Variants in STC2 observed in about 807,000 individuals in gnomAD.
The protein encoded by STC2 is stanniocalcin 2, also known as stanniocalcin-2.
A neutral mutation model predicts 22.7 loss-of-function variants in STC2; 7 were observed. The ratio of observed to expected loss-of-function variants is 0.31; its 90% CI spans 0.18 to 0.58. The LOEUF is 0.58. Among genes scored for constraint, STC2 ranks in the 20% least tolerant of loss-of-function variants. The pLI is 0.89. For synonymous variants in STC2, 158 were observed against 163.4 expected (o/e 0.97, Z 0.25); for missense variants, 336 against 406.2 (o/e 0.83, Z 1.48).
chr5:173,324,637 T>G lies in STC2; in HGVS notation c.295-1207A>C, dbSNP rs574138442. 7.9e-5 allele frequency among the ~76,000 whole-genome samples: 12 copies of G among 152,298 alleles called. No homozygotes were observed. In the South Asian group the frequency reaches 2.5e-3, roughly 32 times the overall value. ...TGTGCCCGTTTATTAAGCAGTTATG[T>G]GCTGAGCATCAACTTGAAAGGGATG... On this transcript the variant is annotated intron_variant, in intron 2 of 3. Transcript: ENST00000265087.
intron 1 of STC2, among the ~76,000 whole-genome samples, chr5:173,327,283 C>A (rs1447995036): frequency 6.6e-6 from 1 of 152,272 alleles, no homozygotes; most frequent in Non-Finnish European, 1.5e-5. Context: ...AGCGAAGGAG[C>A]TGTAGGCAGA....
At position 173,325,888 on chromosome 5, in the gene STC2, C is replaced by G; in HGVS notation, c.274G>C (p.Ala92Pro). ...TTTACCTGGGCATCAAATTTTCCAG[C>G]GTTGTGCAGAAAAGTCATGCAAATC... ...HGICMTFLHN[A>P]GKFDAQGKSF... is the part of the protein sequence containing the mutation. The change falls in exon 2 of 4, where the codon GCT becomes CCT. Residue 92 changes from alanine to proline, a missense_variant. Physicochemically the swap from Ala to Pro is conservative, Grantham distance 27 (BLOSUM62 -1). Coordinates refer to ENST00000265087, the MANE Select transcript of STC2 (RefSeq NM_003714.3). This position sits in a 1 kb window ranked among gnomAD's most constrained non-coding sequence, Gnocchi z 4.7. The G allele has an allele frequency of 6.2e-7, 1 of 1,614,168 alleles. No individual in the cohort carries two copies. The highest frequency in any genetic ancestry group is 1.7e-5 in the Admixed American group (1 of 60,022).
Position 173,317,655 on chromosome 5 carries a change from CCT to C in STC2, c.*190_*191del, listed in dbSNP as rs1762437364. On this transcript the variant is annotated 3_prime_UTR_variant, in exon 4 of 4. Coordinates refer to ENST00000265087, the MANE Select transcript of STC2 (RefSeq NM_003714.3). ...GTAAGTGCAGAATTCACCAGGCACC[CCT>C]GAGACCCCACGGCCCCAGGGGTCTC... 1.6e-6 allele frequency: 1 copy of C among 621,628 alleles called. No individual in the cohort carries two copies. The highest frequency in any genetic ancestry group is 2.5e-6 in the Non-Finnish European group (1 of 396,894). The allele number at this position is 621,628 out of a possible 1,614,324, so 38.5% of individuals were successfully genotyped here.
intron 3 of STC2, among the ~76,000 whole-genome samples, chr5:173,320,122 G>C (rs984225067): frequency 3.3e-5 from 5 of 152,268 alleles, no homozygotes. Context: ...GGCTAGGTGA[G>C]CACACTGCAG....
At position 173,315,699 on chromosome 5, in the gene STC2, A is replaced by T. The variant is rs560165060; in HGVS notation, c.*2148T>A. On this transcript the variant is annotated 3_prime_UTR_variant, in exon 4 of 4. Transcript: ENST00000265087. ...TTTGAGTGATGTCAGTAAAACAGTC[A>T]ACGTGCCTGCCGCGGTGGCTCACTG... 1 of 152,314 alleles carries T rather than the reference A, an allele frequency of 6.6e-6. No individual in the cohort carries two copies. Among genetic ancestry groups the T allele is most frequent in the African/African-American group, 2.4e-5 (1 of 41,536 alleles). The allele number at this position is 152,314 out of a possible 1,614,324, so 9.4% of individuals were successfully genotyped here. A position where few individuals can be genotyped will look rare whatever the true frequency, so the allele number is the denominator to read the frequency against.
Position 173,328,306 on chromosome 5 carries a change from G to T in STC2, c.-113C>A. The T allele has an allele frequency of 8.1e-7, 1 of 1,227,328 alleles. No homozygotes were observed. The highest frequency in any genetic ancestry group is 1.1e-6 in the Non-Finnish European group (1 of 936,516). The allele number at this position is 1,227,328 out of a possible 1,614,324, so 76.0% of individuals were successfully genotyped here. A position where few individuals can be genotyped will look rare whatever the true frequency, so the allele number is the denominator to read the frequency against. On this transcript the variant is annotated 5_prime_UTR_variant, in exon 1 of 4. Transcript: ENST00000265087. Reference sequence around the variant, plus strand: ...CCTCCTCCTCCCACTCTTCCTTTTTGCTCGCCTTTTCCCTCCTCCTCGCGG... The same window carrying T: ...CCTCCTCCTCCCACTCTTCCTTTTTTCTCGCCTTTTCCCTCCTCCTCGCGG...
chr5:173,323,718 G>T lies in STC2; in HGVS notation c.295-288C>A, dbSNP rs1398503723. On this transcript the variant is annotated intron_variant, in intron 2 of 3. Transcript: ENST00000265087. The surrounding 1 kb of genome is among the most constrained non-coding windows in gnomAD (Gnocchi z 5.4). ...GCTACTCTGTGAGTTTCCCTCCAAC[G>T]GGGGCTTCCGTGGCTATGTGTCCCT... Among the ~76,000 whole-genome samples, 1 of 152,016 alleles carries T rather than the reference G, an allele frequency of 6.6e-6. No homozygotes were observed. The highest frequency in any genetic ancestry group is 2.4e-5 in the African/African-American group (1 of 41,366).
chr5:173,317,833 C>T lies in STC2; in HGVS notation c.*14G>A. 1 of 1,537,342 alleles carries T rather than the reference C, an allele frequency of 6.5e-7. No homozygotes were observed. Among genetic ancestry groups the T allele is most frequent in the Admixed American group, 2.0e-5 (1 of 49,830 alleles). ...ACGGCGTGGAGGAAAGATTTCGTGG[C>T]CAGGCCTTTCATTTCACCTCCGGAT... On this transcript the variant is annotated 3_prime_UTR_variant, in exon 4 of 4. Transcript: ENST00000265087.
rs766892241 is a variant in STC2, at chr5:173,317,809, C to T, written c.*38G>A. The T allele has an allele frequency of 1.1e-5, 17 of 1,517,450 alleles. No individual in the cohort carries two copies. The highest frequency in any genetic ancestry group is 1.8e-4 in the Middle Eastern group (1 of 5,510). 94.0% of individuals were successfully genotyped at this position (1,517,450 alleles called of 1,614,324 possible). On this transcript the variant is annotated 3_prime_UTR_variant, in exon 4 of 4. Transcript: ENST00000265087. The stretch of plus-strand genomic sequence containing the variant: ...GAATGTCCATAGATAAGAAAATGGA[C>T]GGCGTGGAGGAAAGATTTCGTGGCC...
In STC2 at chr5:173,323,162, A is replaced by G; in HGVS notation, c.506+57T>C. On this transcript the variant is annotated intron_variant, in intron 3 of 3. Coordinates refer to ENST00000265087, the MANE Select transcript of STC2 (RefSeq NM_003714.3). The surrounding 1 kb of genome is among the most constrained non-coding windows in gnomAD (Gnocchi z 5.4). Reference sequence around the variant, plus strand: ...GCAACGCGGCTCTCCTCCCATACACATTGCCATCCTTGCTGGGTGGCCCCT... The same window carrying G: ...GCAACGCGGCTCTCCTCCCATACACGTTGCCATCCTTGCTGGGTGGCCCCT... The G allele has an allele frequency of 6.4e-7, 1 of 1,565,246 alleles. No homozygotes were observed. Among genetic ancestry groups the G allele is most frequent in the Non-Finnish European group, 8.8e-7 (1 of 1,137,092 alleles).
intron 1 of STC2, among the ~76,000 whole-genome samples, chr5:173,327,752 G>C (rs1762568381): frequency 6.6e-6 from 1 of 152,230 alleles, no homozygotes; most frequent in African/African-American, 2.4e-5. Flanking sequence ...GCGGGGGCTG[G>C]CGCTGGCAGC....
intron 3 of STC2, among the ~76,000 whole-genome samples, chr5:173,321,216 C>CTT (rs1762482303): frequency 6.7e-6 from 1 of 150,288 alleles, no homozygotes; most frequent in African/African-American, 2.5e-5. Flanking sequence ...GCTTTACCTT[C>CTT]TTCTTAAATT....
intron 3 of STC2, among the ~76,000 whole-genome samples, chr5:173,322,578 C>G (rs990908292): frequency 6.6e-6 from 1 of 152,168 alleles, no homozygotes; most frequent in African/African-American, 2.4e-5. Flanking sequence ...ACCGAACCTT[C>G]TAAGGGAAAG....
In STC2 at chr5:173,316,720, T is replaced by A. The variant is rs1740902353; in HGVS notation, c.*1127A>T. 1 of 152,178 alleles carries A rather than the reference T, an allele frequency of 6.6e-6. No homozygotes were observed. The highest frequency in any genetic ancestry group is 6.5e-5 in the Admixed American group (1 of 15,276). 9.4% of individuals were successfully genotyped at this position (152,178 alleles called of 1,614,324 possible). A position where few individuals can be genotyped will look rare whatever the true frequency, so the allele number is the denominator to read the frequency against. ...ATGGGAATTACTAAGTAGTCTTCAT[T>A]CTCTTCTTTCCTTTCCCATCCCCTC... On this transcript the variant is annotated 3_prime_UTR_variant, in exon 4 of 4. Coordinates refer to ENST00000265087, the MANE Select transcript of STC2 (RefSeq NM_003714.3).
rs1762428801 is a variant in STC2 at position 173,316,991 on chromosome 5, A to G, written c.*856T>C. ...TTTAAAATAGAACTTAAAAAAAAGA[A>G]AAATCAGCCTCAAAGGATGGGCTGG... is the stretch of plus-strand genomic sequence containing the variant. On this transcript the variant is annotated 3_prime_UTR_variant, in exon 4 of 4. Transcript: ENST00000265087. 6.6e-6 allele frequency: 1 copy of G among 152,172 alleles called. No individual in the cohort carries two copies. Among genetic ancestry groups the G allele is most frequent in the Non-Finnish European group, 1.5e-5 (1 of 68,026 alleles). The allele number at this position is 152,172 out of a possible 1,614,324, so 9.4% of individuals were successfully genotyped here.
intron 3 of STC2, among the ~76,000 whole-genome samples, chr5:173,318,674 G>T (rs910549408): frequency 6.6e-6 from 1 of 152,144 alleles, no homozygotes; most frequent in African/African-American, 2.4e-5. Flanking sequence ...GGCAAATGGT[G>T]CAGGGCCTTA....
rs535902521 is a variant in STC2, at chr5:173,327,819, C to T, written c.151+224G>A. ...GGGGAGGACAGCAACAAGTCCTGCC[C>T]CAGCCATTTCATCACCCTGCTAGCA... On this transcript the variant is annotated intron_variant, in intron 1 of 3. Coordinates refer to ENST00000265087, the MANE Select transcript of STC2 (RefSeq NM_003714.3). 5.9e-5 allele frequency among the ~76,000 whole-genome samples: 9 copies of T among 152,354 alleles called. No homozygotes were observed. The South Asian group carries it at 1.9e-3, about 32-fold the overall frequency.
At position 173,317,653 on chromosome 5, in the gene STC2, C is replaced by T. The variant is rs994899374; in HGVS notation, c.*194G>A. 2 of 591,734 alleles carry T rather than the reference C, an allele frequency of 3.4e-6. No homozygotes were observed. The highest frequency in any genetic ancestry group is 4.3e-5 in the South Asian group (1 of 23,408). 36.7% of individuals were successfully genotyped at this position (591,734 alleles called of 1,614,324 possible). ...GTGTAAGTGCAGAATTCACCAGGCA[C>T]CCCTGAGACCCCACGGCCCCAGGGG... On this transcript the variant is annotated 3_prime_UTR_variant, in exon 4 of 4. Coordinates refer to ENST00000265087, the MANE Select transcript of STC2 (RefSeq NM_003714.3).
chr5:173,320,126 A>G (rs910885144), intron 3 of STC2, among the ~76,000 whole-genome samples: 1 of 152,224 alleles, frequency 6.6e-6, no homozygotes, highest in African/African-American at 2.4e-5. Flanking sequence ...AGGTGAGCAC[A>G]CTGCAGGGGT....
Sources: allele counts gnomAD v4.1 joint callset (sites outside exome capture counted in the v4.1 genomes callset), GRCh38; gene constraint gnomAD v4.1.1; non-coding constraint Gnocchi (gnomAD v3.1); transcripts MANE v1.5; gene names NCBI Gene and HGNC (gene_info 2026-07-23, HGNC 2026-07-21).